WDFY3: variants seen among roughly 807,000 people sequenced by gnomAD.
WDFY3 encodes WD repeat and FYVE domain containing 3, also known as WD repeat and FYVE domain-containing protein 3.
A neutral mutation model predicts 409.6 loss-of-function variants in WDFY3; 66 were observed. The ratio of observed to expected loss-of-function variants is 0.16; its 90% CI spans 0.13 to 0.20. The LOEUF is 0.20. Among genes scored for constraint, WDFY3 ranks in the 10% least tolerant of loss-of-function variants. The pLI is 1.00. For synonymous variants in WDFY3, 1,521 were observed against 1,537.1 expected, an observed-to-expected ratio of 0.99 and a Z score of 0.25; for missense variants, 3,031 against 4,298.1, an observed-to-expected ratio of 0.71 and a Z score of 8.24.
chr4:84,962,735 G>A (rs1462180740), intron 1 of WDFY3, among the ~76,000 whole-genome samples: 1 of 148,856 alleles, frequency 6.7e-6, no homozygotes, highest in Admixed American at 6.7e-5. Context: ...GTGCGGTGGC[G>A]CCATCTCAGC....
At chr4:84,762,427 C>T (rs927797717) in intron 32 of WDFY3, among the ~76,000 whole-genome samples, 1 of 129,808 alleles carries the variant, frequency 7.7e-6, no homozygotes, top group African/African-American at 3.0e-5. Context: ...AACACATGGA[C>T]ATAGGAAGGG....
chr4:84,742,216 T>A (rs1467376864), intron 37 of WDFY3, among the ~76,000 whole-genome samples: 1 of 152,228 alleles, frequency 6.6e-6, no homozygotes, highest in Non-Finnish European at 1.5e-5. Context: ...CAGTCACAGC[T>A]GTTCTCCATT....
At chr4:84,715,502 C>T (rs999988277) in intron 49 of WDFY3, 119 bp from the exon 50 acceptor site, 14 of 581,778 alleles carry the variant, frequency 2.4e-5, no homozygotes, top group African/African-American at 1.3e-4. Context: ...CGGCCGGGCG[C>T]GGTGGCTCAT....
At chr4:84,789,668 CA>C in intron 22 of WDFY3, 57 bp downstream of exon 22, 20 of 1,082,698 alleles carry the variant, frequency 1.8e-5, no homozygotes, top group East Asian at 8.6e-5. Context: ...CACACACACA[CA>C]CCCCCCAAAC....
chr4:84,933,916 A>G (rs1422428387), intron 1 of WDFY3, among the ~76,000 whole-genome samples: 1 of 151,856 alleles, frequency 6.6e-6, no homozygotes, highest in Non-Finnish European at 1.5e-5. Context: ...TTCTTTATCC[A>G]TTTGTCTGCT....
intron 5 of WDFY3, among the ~76,000 whole-genome samples, chr4:84,846,674 A>C (rs188289476): frequency 2.3e-3 from 341 of 151,130 alleles, no homozygotes; most frequent in African/African-American, 7.8e-3. Context: ...CAGTACTGTG[A>C]AAATGGATGA....
At chr4:84,867,039 TA>T (rs552576323) in intron 3 of WDFY3, among the ~76,000 whole-genome samples, 18 of 152,246 alleles carry the variant, frequency 1.2e-4, no homozygotes, top group Non-Finnish European at 2.4e-4. Flanking sequence ...AGAAAGGCTC[TA>T]AACACCCTTG....
intron 44 of WDFY3, 84 bp downstream of exon 44, chr4:84,733,298 A>G: frequency 7.0e-7 from 1 of 1,419,732 alleles, no homozygotes. Context: ...ATTTGAGGTA[A>G]TTGACTAAAT....
At chr4:84,741,724 A>G in intron 38 of WDFY3, 37 bp downstream of exon 38, 1 of 1,533,800 alleles carries the variant, frequency 6.5e-7, no homozygotes, top group Non-Finnish European at 8.8e-7. Flanking sequence ...AAAACAGGAA[A>G]ACATGTACTC....
intron 23 of WDFY3, 78 bp from the exon 24 acceptor site, chr4:84,786,217 T>C: frequency 1.4e-6 from 2 of 1,401,460 alleles, no homozygotes. Context: ...TTACTATCAT[T>C]TTTAAATGAG....
chr4:84,683,595 CTA>C (rs1305366010), intron 63 of WDFY3, among the ~76,000 whole-genome samples: 1 of 152,136 alleles, frequency 6.6e-6, no homozygotes. Context: ...TCCCTGCTCA[CTA>C]TGTTTTCCCT....
At chr4:84,956,997 C>T (rs1311654465) in intron 1 of WDFY3, among the ~76,000 whole-genome samples, 1 of 149,772 alleles carries the variant, frequency 6.7e-6, no homozygotes, top group Non-Finnish European at 1.5e-5. Flanking sequence ...AAAAAAAAAC[C>T]TTTATGGAAG....
chr4:84,870,935 A>G (rs554610033), intron 3 of WDFY3, among the ~76,000 whole-genome samples: 1 of 152,232 alleles, frequency 6.6e-6, no homozygotes, highest in East Asian at 1.9e-4. Context: ...AACAGATATG[A>G]AGAATGCTTT....
chr4:84,810,961 C>T (rs913121413), intron 13 of WDFY3, among the ~76,000 whole-genome samples: 1 of 152,088 alleles, frequency 6.6e-6, no homozygotes, highest in African/African-American at 2.4e-5. Context: ...CAAACATTTA[C>T]TTTCTGAACT....
At chr4:84,911,072 G>T (rs1233717851) in intron 2 of WDFY3, among the ~76,000 whole-genome samples, 1 of 151,728 alleles carries the variant, frequency 6.6e-6, no homozygotes, top group African/African-American at 2.4e-5. Context: ...TAGATAAACT[G>T]GACTTCATAA....
chr4:84,773,855 G>C (rs779134139), intron 29 of WDFY3, among the ~76,000 whole-genome samples: 13 of 152,130 alleles, frequency 8.5e-5, no homozygotes, highest in Non-Finnish European at 1.5e-4. Flanking sequence ...CAAGTAGCTG[G>C]GATTACAGGT....
intron 63 of WDFY3, 141 bp downstream of exon 63, chr4:84,683,802 G>T (rs1727828629): frequency 2.5e-6 from 2 of 812,464 alleles, no homozygotes; most frequent in Non-Finnish European, 3.7e-6. Context: ...ATAACGCAGA[G>T]GCCAAGGCCT....
intron 1 of WDFY3, among the ~76,000 whole-genome samples, chr4:84,947,722 A>C (rs1362741342): frequency 6.7e-6 from 1 of 148,778 alleles, no homozygotes; most frequent in African/African-American, 2.5e-5. Flanking sequence ...AAAAAAAAAA[A>C]AAAAAAAACA....
chr4:84,895,131 CA>C (rs1215047676), intron 3 of WDFY3, among the ~76,000 whole-genome samples: 2 of 151,934 alleles, frequency 1.3e-5, no homozygotes, highest in Non-Finnish European at 2.9e-5. Context: ...AGCAAGAGTT[CA>C]AAAATTGTAT....
Sources: gnomAD v4.1 joint callset for allele counts (sites outside exome capture counted in the v4.1 genomes callset) on GRCh38, gnomAD v4.1.1 for gene constraint, MANE v1.5 for transcripts, NCBI Gene and HGNC (gene_info 2026-07-23, HGNC 2026-07-21) for gene names.